Variants in TENM2 observed in about 807,000 individuals in gnomAD.
TENM2 encodes the protein teneurin-2.
Under a neutral mutation model 245.2 loss-of-function variants are expected in TENM2, and 52 were observed. The observed-to-expected ratio is 0.21, with a 90% CI of 0.17 to 0.27. The LOEUF (loss-of-function observed/expected upper bound fraction) is 0.27. Among genes scored for constraint, TENM2 ranks in the 10% least tolerant of loss-of-function variants. The probability of loss-of-function intolerance (pLI) is 1.00; values close to 1 mark genes in which losing one functional copy is unlikely to be tolerated. For synonymous variants in TENM2, 1,363 were observed against 1,438.9 expected (o/e 0.95, Z 1.19); for missense variants, 3,046 against 3,666.8 (o/e 0.83, Z 4.37).
intron 1 of TENM2, among the ~76,000 whole-genome samples, chr5:167,353,786 C>T (rs930077749): frequency 3.4e-4 from 52 of 151,792 alleles, no homozygotes; most frequent in Admixed American, 2.2e-3. Context: ...GGATTACAGG[C>T]GTGAGCCACC....
chr5:168,019,215 G>C (rs1042295956), intron 5 of TENM2, among the ~76,000 whole-genome samples: 1 of 152,162 alleles, frequency 6.6e-6, no homozygotes, highest in Non-Finnish European at 1.5e-5. Context: ...AAAGGTATTG[G>C]GGAGAAGGAC....
intron 1 of TENM2, among the ~76,000 whole-genome samples, chr5:167,370,028 T>C (rs1760309677): frequency 2.0e-5 from 3 of 152,120 alleles, no homozygotes; most frequent in Admixed American, 2.0e-4. Context: ...CCTTGAATTC[T>C]GTTGCAAAAT....
intron 2 of TENM2, among the ~76,000 whole-genome samples, chr5:167,697,867 G>A (rs973752162): frequency 6.6e-6 from 1 of 152,078 alleles, no homozygotes; most frequent in Non-Finnish European, 1.5e-5. Flanking sequence ...TCATAATCTT[G>A]TGGACCTACT....
At chr5:167,831,378 C>T (rs1768467422) in intron 2 of TENM2, among the ~76,000 whole-genome samples, 1 of 152,038 alleles carries the variant, frequency 6.6e-6, no homozygotes, top group South Asian at 2.1e-4. Context: ...TCTTCAGGTC[C>T]TCTGAGGTCT....
the TENM2 span, among the ~76,000 whole-genome samples, chr5:166,992,721 T>C: frequency 6.6e-6 from 1 of 152,140 alleles, no homozygotes; most frequent in East Asian, 1.9e-4. Context: ...CCAGGGGGTC[T>C]AAGGGTGGAG....
intron 7 of TENM2, among the ~76,000 whole-genome samples, chr5:168,085,885 G>A (rs944480918): frequency 6.6e-6 from 1 of 152,240 alleles, no homozygotes; most frequent in African/African-American, 2.4e-5. Flanking sequence ...GCCATCTGAG[G>A]TAGAATCAAC....
Position 167,466,582 on chromosome 5 carries a change from A to G in TENM2, c.502+91109A>G, listed in dbSNP as rs141107186. ...TTTTGAGGAATATAATTTTATTGAT[A>G]ACTAAACATAGTTTTATTATGCCTG... is the stretch of plus-strand genomic sequence containing the variant. On this transcript the variant is annotated intron_variant, in intron 2 of 28. Coordinates refer to ENST00000518659, the Ensembl canonical transcript of TENM2. Among the ~76,000 whole-genome samples, 61 of 152,356 alleles carry G rather than the reference A, an allele frequency of 4.0e-4. No homozygotes were observed. The East Asian group carries it at 9.8e-3, about 25-fold the overall frequency.
At chr5:167,051,082 T>A in the TENM2 span, among the ~76,000 whole-genome samples, 1 of 152,084 alleles carries the variant, frequency 6.6e-6, no homozygotes, top group East Asian at 1.9e-4. Context: ...ACATGGCATA[T>A]TTTTTCCCTT....
At chr5:167,449,231 TC>T (rs35820852) in intron 2 of TENM2, among the ~76,000 whole-genome samples, 30,536 of 152,158 alleles carry the variant, frequency 0.2, 3,624 homozygotes, top group Non-Finnish European at 0.27. Flanking sequence ...GTTTGATGTT[TC>T]AGACAACAAT....
intron 2 of TENM2, among the ~76,000 whole-genome samples, chr5:167,709,829 G>A (rs1032765381): frequency 6.6e-6 from 1 of 152,154 alleles, no homozygotes. Flanking sequence ...GAGAGTGTGG[G>A]AGGAAAGGCA....
the TENM2 span, among the ~76,000 whole-genome samples, chr5:167,214,601 G>C: frequency 2.0e-5 from 3 of 152,096 alleles, no homozygotes; most frequent in African/African-American, 7.2e-5. Flanking sequence ...TATCTATCTC[G>C]GTTCTTCTAA....
At chr5:167,256,508 AAAGATATTT>A in the TENM2 span, among the ~76,000 whole-genome samples, 7 of 152,184 alleles carry the variant, frequency 4.6e-5, no homozygotes, top group Non-Finnish European at 8.8e-5. Context: ...TGTAAAGGTA[AAAGATATTT>A]ATAGCAGATG....
chr5:167,572,588 C>A (rs557532972), intron 2 of TENM2, among the ~76,000 whole-genome samples: 2 of 152,038 alleles, frequency 1.3e-5, no homozygotes, highest in Non-Finnish European at 2.9e-5. Context: ...TAACTTATAC[C>A]AAATAGTTGA....
chr5:167,202,706 A>G, the TENM2 span, among the ~76,000 whole-genome samples: 1 of 152,026 alleles, frequency 6.6e-6, no homozygotes, highest in Non-Finnish European at 1.5e-5. Context: ...GAGATCCATT[A>G]CCCCAAATCA....
intron 27 of TENM2, among the ~76,000 whole-genome samples, chr5:168,254,487 AGAGGAAGAGGAAGAAGGG>A (rs1295731327): frequency 2.7e-5 from 4 of 149,830 alleles, no homozygotes; most frequent in African/African-American, 4.9e-5. Context: ...AAGGGGAGGA[AGAGGAAGAGGAAGAAGGG>A]GAGGAAGAGG....
At chr5:167,729,098 T>G (rs1014692250) in intron 2 of TENM2, 8 of 152,214 alleles carry the variant, frequency 5.3e-5, no homozygotes, top group Non-Finnish European at 1.2e-4. Flanking sequence ...GCCTGCTCTA[T>G]CACAGCAGTA....
At chr5:167,054,236 A>G in the TENM2 span, among the ~76,000 whole-genome samples, 1 of 152,116 alleles carries the variant, frequency 6.6e-6, no homozygotes, top group African/African-American at 2.4e-5. Flanking sequence ...TAATCTTTTT[A>G]CTGTCCACAA....
In TENM2 at chr5:167,791,460, TTATA is replaced by T. The variant is rs557322784; in HGVS notation, c.503-84522_503-84519del. ...ATTTATATATAATATATTATATAGA[TTATA>T]TATTTATAATTTATTATATATATAA... On this transcript the variant is annotated intron_variant, in intron 2 of 28. Transcript: ENST00000518659. 8.9e-5 allele frequency among the ~76,000 whole-genome samples: 12 copies of T among 135,246 alleles called. No individual in the cohort carries two copies. The East Asian group carries it at 2.1e-3, about 24-fold the overall frequency. 88.7% of individuals were successfully genotyped at this position (135,246 alleles called of 152,430 possible). A position where few individuals can be genotyped will look rare whatever the true frequency, so the allele number is the denominator to read the frequency against.
chr5:168,128,471 G>A (rs540908438), intron 12 of TENM2, among the ~76,000 whole-genome samples: 10 of 152,292 alleles, frequency 6.6e-5, no homozygotes, highest in Admixed American at 2.0e-4. Flanking sequence ...AATCATCAGC[G>A]TTGAGGTGGA....
Sources: gnomAD v4.1 joint callset for allele counts (sites outside exome capture counted in the v4.1 genomes callset) on GRCh38, gnomAD v4.1.1 for gene constraint, MANE v1.5 for transcripts, NCBI Gene and HGNC (gene_info 2026-07-23, HGNC 2026-07-21) for gene names.